ATP8A2: variants seen among roughly 807,000 people sequenced by gnomAD.
The protein encoded by ATP8A2 is phospholipid-transporting ATPase IB.
ATP8A2 carries 100 observed loss-of-function variants against 165.6 expected under a neutral mutation model. That is an observed-to-expected ratio of 0.60 (90% CI 0.51 to 0.71). The LOEUF is 0.71. Ranked by LOEUF, ATP8A2 falls within the 30% of genes least tolerant of loss-of-function variation. The pLI is 0.00. For synonymous variants in ATP8A2, 543 were observed against 548.8 expected (o/e 0.99, Z 0.15); for missense variants, 1,227 against 1,479.5 (o/e 0.83, Z 2.80).
chr13:25,826,019 A>C (rs1242042387), intron 27 of ATP8A2, among the ~76,000 whole-genome samples: 1 of 152,168 alleles, frequency 6.6e-6, no homozygotes, highest in Non-Finnish European at 1.5e-5. Flanking sequence ...GGGTTTTTTG[A>C]GATCCATTGT....
intron 18 of ATP8A2, 31 bp downstream of exon 18, chr13:25,571,723 C>T (rs2039473294): frequency 6.4e-7 from 1 of 1,553,124 alleles, no homozygotes; most frequent in Admixed American, 1.7e-5. Context: ...CATTTCAGAT[C>T]ACCTGCTTTT....
chr13:25,759,981 T>C (rs528630274), intron 25 of ATP8A2, among the ~76,000 whole-genome samples: 134 of 152,324 alleles, frequency 8.8e-4, no homozygotes, highest in African/African-American at 3.2e-3. Context: ...CAAGTACCGA[T>C]GCATAAATTC....
chr13:25,816,852 G>A (rs117674980), intron 27 of ATP8A2, among the ~76,000 whole-genome samples: 5,064 of 152,256 alleles, frequency 0.033, 108 homozygotes, highest in South Asian at 0.07. Context: ...GTGGCTGATG[G>A]GAATAGAGGG....
chr13:25,450,322 C>A (rs1460849122), intron 1 of ATP8A2, among the ~76,000 whole-genome samples: 1 of 151,764 alleles, frequency 6.6e-6, no homozygotes, highest in Non-Finnish European at 1.5e-5. Context: ...ATATAAATTC[C>A]TTTGGGTATA....
intron 24 of ATP8A2, among the ~76,000 whole-genome samples, chr13:25,684,147 T>TG (rs1319451144): frequency 6.6e-6 from 1 of 152,214 alleles, no homozygotes; most frequent in Non-Finnish European, 1.5e-5. Context: ...AGTTAGCCCT[T>TG]GAGTGTGTGA....
intron 35 of ATP8A2, among the ~76,000 whole-genome samples, chr13:25,981,408 T>C (rs2139257154): frequency 6.6e-6 from 1 of 152,328 alleles, no homozygotes; most frequent in South Asian, 2.1e-4. Context: ...GAGAATAGGC[T>C]AGTTGCCAGT....
chr13:25,431,013 T>C (rs79480919), intron 1 of ATP8A2, among the ~76,000 whole-genome samples: 4 of 146,478 alleles, frequency 2.7e-5, no homozygotes, highest in African/African-American at 5.4e-5. Context: ...CACACACACA[T>C]ATATATACAC....
chr13:26,014,910 G>C (rs1566354323), intron 36 of ATP8A2, among the ~76,000 whole-genome samples: 1 of 152,152 alleles, frequency 6.6e-6, no homozygotes, highest in Non-Finnish European at 1.5e-5. Context: ...AGCACCTTCT[G>C]TATGCCAGAC....
At chr13:25,923,147 A>G (rs982463734) in intron 33 of ATP8A2, among the ~76,000 whole-genome samples, 5 of 152,190 alleles carry the variant, frequency 3.3e-5, no homozygotes, top group Non-Finnish European at 7.3e-5. Context: ...TCCTCACACC[A>G]GAAAAGGATT....
At chr13:25,527,268 A>T (rs1464940559) in intron 2 of ATP8A2, among the ~76,000 whole-genome samples, 2 of 152,176 alleles carry the variant, frequency 1.3e-5, no homozygotes, top group African/African-American at 2.4e-5. Flanking sequence ...CTCAGGAATT[A>T]TCCTAAATCC....
intron 9 of ATP8A2, 42 bp downstream of exon 9, chr13:25,542,088 C>G: frequency 6.4e-7 from 1 of 1,569,302 alleles, no homozygotes; most frequent in Non-Finnish European, 8.7e-7. Context: ...AACTATGTGA[C>G]TAAGAATTAC....
At chr13:25,540,074 C>T (rs181949578) in intron 7 of ATP8A2, among the ~76,000 whole-genome samples, 14 of 152,318 alleles carry the variant, frequency 9.2e-5, no homozygotes, top group Admixed American at 9.2e-4. Context: ...TCTTGAGGCT[C>T]AGCAGTCATT....
intron 24 of ATP8A2, among the ~76,000 whole-genome samples, chr13:25,649,687 A>G (rs2041765020): frequency 6.6e-6 from 1 of 151,996 alleles, no homozygotes; most frequent in African/African-American, 2.4e-5. Flanking sequence ...GTGTGGCACA[A>G]CTAGCTTTCC....
At chr13:25,438,167 T>C (rs1300810496) in intron 1 of ATP8A2, among the ~76,000 whole-genome samples, 5 of 152,046 alleles carry the variant, frequency 3.3e-5, no homozygotes, top group African/African-American at 1.2e-4. Flanking sequence ...TGAGGAAGGG[T>C]CTGGGTAGGA....
At chr13:25,823,696 T>C (rs1951235427) in intron 27 of ATP8A2, among the ~76,000 whole-genome samples, 2 of 152,178 alleles carry the variant, frequency 1.3e-5, no homozygotes, top group South Asian at 4.1e-4. Flanking sequence ...TAAAACTCAT[T>C]AATTTCTATA....
intron 33 of ATP8A2, chr13:25,950,844 T>C (rs1334358670): frequency 2.0e-5 from 3 of 152,260 alleles, no homozygotes; most frequent in African/African-American, 4.8e-5. Context: ...CTTGTAACCT[T>C]GGGCCATCCT....
intron 24 of ATP8A2, among the ~76,000 whole-genome samples, chr13:25,618,271 C>A (rs572393596): frequency 6.6e-6 from 1 of 151,914 alleles, no homozygotes; most frequent in East Asian, 1.9e-4. Context: ...GTTAGGAGTG[C>A]GTGTTTATAA....
chr13:25,468,958 C>T lies in ATP8A2; in HGVS notation c.77-19C>T. Reference sequence around the variant, plus strand: ...GACTTCTTTGTGTCGTATTCTCTGCCTGCGCCCTGTCTCTGCAGGACCTGT... The same window carrying T: ...GACTTCTTTGTGTCGTATTCTCTGCTTGCGCCCTGTCTCTGCAGGACCTGT... On this transcript the variant is annotated intron_variant, in intron 1 of 36. Transcript: ENST00000381655. 6.2e-7 allele frequency: 1 copy of T among 1,613,196 alleles called. No homozygotes were observed.
chr13:25,717,508 C>T (rs2138013034), intron 25 of ATP8A2, among the ~76,000 whole-genome samples: 1 of 151,650 alleles, frequency 6.6e-6, no homozygotes, highest in Non-Finnish European at 1.5e-5. Flanking sequence ...AAGTCACTTA[C>T]CCTAGATCAC....
Sources: allele counts gnomAD v4.1 joint callset (sites outside exome capture counted in the v4.1 genomes callset), GRCh38; gene constraint gnomAD v4.1.1; transcripts MANE v1.5; gene names NCBI Gene and HGNC (gene_info 2026-07-23, HGNC 2026-07-21).